Variants in TTC28 observed in about 807,000 individuals in gnomAD.
TTC28 encodes the protein tetratricopeptide repeat protein 28.
In TTC28, 61 loss-of-function variants were observed where a neutral mutation model predicts 198.0. The ratio of observed to expected loss-of-function variants is 0.31; its 90% CI spans 0.25 to 0.38. The LOEUF is 0.38. TTC28 is among the 10% of genes least tolerant of loss of function. The pLI is 1.00. For missense variants in TTC28, 2,678 were observed against 3,164.0 expected (o/e 0.85, Z 3.69); for synonymous variants, 1,171 against 1,297.8 (o/e 0.90, Z 2.10).
At chr22:28,146,018 C>A (rs1012582429) in intron 6 of TTC28, among the ~76,000 whole-genome samples, 14 of 152,132 alleles carry the variant, frequency 9.2e-5, no homozygotes, top group African/African-American at 3.4e-4. Context: ...TAAAGCCAGG[C>A]CATCTGATTG....
intron 2 of TTC28, among the ~76,000 whole-genome samples, chr22:28,451,278 T>C (rs1480290885): frequency 6.6e-6 from 1 of 152,222 alleles, no homozygotes; most frequent in African/African-American, 2.4e-5. Context: ...AGAAAGGTCA[T>C]GTCTTCGCAG....
At chr22:28,201,868 C>G (rs949209337) in intron 5 of TTC28, among the ~76,000 whole-genome samples, 1 of 151,756 alleles carries the variant, frequency 6.6e-6, no homozygotes, top group Non-Finnish European at 1.5e-5. Flanking sequence ...GGTGATGGCC[C>G]TGGGAATACA....
At chr22:27,998,253 G>T (rs1353647981) in intron 16 of TTC28, 1 of 510,910 alleles carries the variant, frequency 2.0e-6, no homozygotes, top group African/African-American at 1.9e-5. Context: ...TTAAATGAGG[G>T]TGCCATGGAA....
intron 14 of TTC28, among the ~76,000 whole-genome samples, chr22:28,004,424 G>A (rs1312100613): frequency 6.6e-6 from 1 of 152,226 alleles, no homozygotes; most frequent in Non-Finnish European, 1.5e-5. Context: ...GACTCAGTGA[G>A]AGTGACCTTA....
chr22:28,146,653 G>C, intron 6 of TTC28, among the ~76,000 whole-genome samples: 1 of 152,202 alleles, frequency 6.6e-6, no homozygotes, highest in East Asian at 1.9e-4. Context: ...CACTCCAACA[G>C]CTGGGCCATG....
chr22:28,023,541 T>C (rs2146610038), intron 13 of TTC28, among the ~76,000 whole-genome samples: 1 of 152,340 alleles, frequency 6.6e-6, no homozygotes, highest in Non-Finnish European at 1.5e-5. Context: ...CAAAACCCCC[T>C]TCCAAAGGAC....
At chr22:28,382,451 C>T (rs1040008900) in intron 2 of TTC28, among the ~76,000 whole-genome samples, 53 of 152,238 alleles carry the variant, frequency 3.5e-4, no homozygotes, top group African/African-American at 1.3e-3. Flanking sequence ...CACCTTGTAA[C>T]ATATTCAAAG....
chr22:28,389,082 T>C (rs1190040767), intron 2 of TTC28, among the ~76,000 whole-genome samples: 1 of 152,196 alleles, frequency 6.6e-6, no homozygotes, highest in Non-Finnish European at 1.5e-5. Flanking sequence ...AGGCCTTTTC[T>C]GCATCTATTG....
chr22:28,306,440 G>A, intron 3 of TTC28, 56 bp downstream of exon 3: 12 of 1,512,794 alleles, frequency 7.9e-6, no homozygotes, highest in Non-Finnish European at 1.1e-5. Flanking sequence ...GTCTTGGAAG[G>A]CTAGAAATGA....
chr22:28,203,037 A>G (rs1173526227), intron 5 of TTC28, among the ~76,000 whole-genome samples: 1 of 152,198 alleles, frequency 6.6e-6, no homozygotes, highest in African/African-American at 2.4e-5. Context: ...AAAAATGGAT[A>G]GTTTTGTTTT....
At chr22:28,098,886 A>G (rs1942052597) in intron 10 of TTC28, 29 bp downstream of exon 10, 3 of 1,550,370 alleles carry the variant, frequency 1.9e-6, no homozygotes, top group Middle Eastern at 1.7e-4. Context: ...GTGCACACGT[A>G]AGCAAGGAGT....
rs2045676053 is a variant in TTC28 at position 28,334,606 on chromosome 22, T to C, written c.382-27963A>G. Among the ~76,000 whole-genome samples the C allele has an allele frequency of 2.0e-5, 3 of 152,232 alleles. 1 individual carries two copies. The South Asian group carries it at 6.2e-4, about 31-fold the overall frequency. Reference sequence around the variant, plus strand: ...TTTGCATTTCTCTGATGGCCAGTGATGGTGAGCATTTTTTCATGTGTCTTT... The same window carrying C: ...TTTGCATTTCTCTGATGGCCAGTGACGGTGAGCATTTTTTCATGTGTCTTT... On this transcript the variant is annotated intron_variant, in intron 2 of 22. Transcript: ENST00000397906.
intron 9 of TTC28, among the ~76,000 whole-genome samples, chr22:28,100,214 C>A (rs1199510956): frequency 6.6e-6 from 1 of 152,190 alleles, no homozygotes; most frequent in African/African-American, 2.4e-5. Flanking sequence ...GTACAGAATT[C>A]TAAGACTAAG....
rs138242938 is a variant in TTC28, at chr22:28,234,125, CT to C, written c.933+62072del. ...GTTTCACCATGTTAGCCAGGATGGTCTCGATCTCCTGACCTCGTGATCCGCC... is the reference window on the plus strand; with the variant it reads ...GTTTCACCATGTTAGCCAGGATGGTCCGATCTCCTGACCTCGTGATCCGCC... On this transcript the variant is annotated intron_variant, in intron 5 of 22. Transcript: ENST00000397906. 2.2e-3 allele frequency among the ~76,000 whole-genome samples: 342 copies of C among 152,166 alleles called. 2 individuals carry two copies. Among genetic ancestry groups the C allele is most frequent in the African/African-American group, 8.0e-3 (333 of 41,518 alleles).
intron 6 of TTC28, among the ~76,000 whole-genome samples, chr22:28,109,385 G>C (rs1463698147): frequency 6.6e-6 from 1 of 152,162 alleles, no homozygotes; most frequent in East Asian, 1.9e-4. Context: ...AACTAGGAAA[G>C]TAAGTATGTC....
chr22:27,982,820 GGTCCAGCTGGGAAGTCTGTGA>G lies in TTC28; in HGVS notation c.6826_6846del (p.Ser2276_Asp2282del). The G allele has an allele frequency of 6.5e-7, 1 of 1,540,620 alleles. No individual in the cohort carries two copies. Among genetic ancestry groups the G allele is most frequent in the Non-Finnish European group, 8.8e-7 (1 of 1,140,434 alleles). On this transcript the variant is annotated inframe_deletion, in exon 23 of 23. Coordinates refer to ENST00000397906, the MANE Select transcript of TTC28 (RefSeq NM_001145418.2). The surrounding 1 kb of genome is among the most constrained non-coding windows in gnomAD (Gnocchi z 5.2). ...GGGTACTTCAGTTTAAAGAGAGGCTGGTCCAGCTGGGAAGTCTGTGAGTCGCAGCCGGGCGATGGCCGGCCA... is the reference window on the plus strand; with the variant it reads ...GGGTACTTCAGTTTAAAGAGAGGCTGGTCGCAGCCGGGCGATGGCCGGCCA...
chr22:28,526,755 T>G (rs1015909062), intron 2 of TTC28, among the ~76,000 whole-genome samples: 5 of 152,110 alleles, frequency 3.3e-5, no homozygotes, highest in African/African-American at 7.2e-5. Context: ...TTGTTTGTTT[T>G]TTTATTTTAA....
At chr22:28,087,169 G>A (rs1227950672) in intron 12 of TTC28, among the ~76,000 whole-genome samples, 2 of 152,108 alleles carry the variant, frequency 1.3e-5, no homozygotes, top group Non-Finnish European at 2.9e-5. Context: ...TATGAGGCCA[G>A]CATCATCCTG....
At chr22:28,606,856 C>G (rs1171715204) in intron 2 of TTC28, among the ~76,000 whole-genome samples, 3 of 152,042 alleles carry the variant, frequency 2.0e-5, no homozygotes, top group Non-Finnish European at 4.4e-5. Context: ...AAATCCATAA[C>G]ATGAAAAGAA....
Sources: gnomAD v4.1 joint callset for allele counts (sites outside exome capture counted in the v4.1 genomes callset) on GRCh38, gnomAD v4.1.1 for gene constraint, Gnocchi (gnomAD v3.1) non-coding constraint, MANE v1.5 for transcripts, NCBI Gene and HGNC (gene_info 2026-07-23, HGNC 2026-07-21) for gene names.